ARHGAP26: variants seen among roughly 807,000 people sequenced by gnomAD.
ARHGAP26 encodes the protein rho GTPase-activating protein 26.
ARHGAP26 carries 38 observed loss-of-function variants against 104.8 expected under a neutral mutation model. The observed-to-expected ratio is 0.36, with a 90% CI of 0.28 to 0.48. The LOEUF (loss-of-function observed/expected upper bound fraction) is 0.48. ARHGAP26 is among the 20% of genes least tolerant of loss of function. ARHGAP26 has a pLI of 0.99. For missense variants in ARHGAP26, 704 were observed against 947.9 expected, an observed-to-expected ratio of 0.74 and a Z score of 3.38; for synonymous variants, 341 against 340.0, an observed-to-expected ratio of 1.00 and a Z score of -0.03.
At chr5:143,143,026 C>G (rs1798746906) in intron 19 of ARHGAP26, among the ~76,000 whole-genome samples, 1 of 152,022 alleles carries the variant, frequency 6.6e-6, no homozygotes, top group Non-Finnish European at 1.5e-5. Flanking sequence ...AGAGTCTGTT[C>G]CCTCCTTTTG....
At chr5:143,015,970 G>T (rs1027445345) in intron 12 of ARHGAP26, among the ~76,000 whole-genome samples, 1 of 152,168 alleles carries the variant, frequency 6.6e-6, no homozygotes, top group East Asian at 1.9e-4. Flanking sequence ...TTATCCTAAA[G>T]AAATCATTAG....
In ARHGAP26 at chr5:143,131,559, A is replaced by G. The variant is rs575655183; in HGVS notation, c.1699-2408A>G. Among the ~76,000 whole-genome samples the G allele has an allele frequency of 3.3e-5, 5 of 152,368 alleles. No individual in the cohort carries two copies. The South Asian group carries it at 1.0e-3, about 32-fold the overall frequency. On this transcript the variant is annotated intron_variant, in intron 18 of 22. Coordinates refer to ENST00000645722, the MANE Select transcript of ARHGAP26 (RefSeq NM_001135608.3). ...AGGCCAGAGGCAGAAAGGTACTAGA[A>G]GACACTGTTAGGTTGAAACACATCC...
chr5:142,936,108 AACACAC>A (rs149919795), intron 11 of ARHGAP26, among the ~76,000 whole-genome samples: 2,778 of 139,822 alleles, frequency 0.02, 72 homozygotes, highest in African/African-American at 0.061. Flanking sequence ...AATCCCAAGG[AACACAC>A]ACACACACAC....
rs575691310 is a variant in ARHGAP26, at chr5:142,914,569, C to CT, written c.1028+1282dup. 1.5e-3 allele frequency among the ~76,000 whole-genome samples: 234 copies of CT among 152,304 alleles called. 3 individuals carry two copies. The highest frequency in any genetic ancestry group is 5.2e-3 in the African/African-American group (215 of 41,554). ...TGCTCAACAAGTATTAGCTGTTACT[C>CT]TTTTTTGCTAATAGCTTATCCTGCG... On this transcript the variant is annotated intron_variant, in intron 10 of 22. Transcript: ENST00000645722.
At chr5:143,127,780 A>G (rs1562475461) in intron 18 of ARHGAP26, among the ~76,000 whole-genome samples, 2 of 152,242 alleles carry the variant, frequency 1.3e-5, no homozygotes, top group Non-Finnish European at 2.9e-5. Flanking sequence ...ATTAGTTAAT[A>G]TAGTTGGTTT....
intron 10 of ARHGAP26, among the ~76,000 whole-genome samples, chr5:142,921,219 T>G (rs1423294669): frequency 1.3e-5 from 2 of 152,228 alleles, no homozygotes; most frequent in South Asian, 2.1e-4. Context: ...AATAAGCTTT[T>G]CTTTGTATTG....
At chr5:143,205,275 A>G (rs753327197) in intron 20 of ARHGAP26, among the ~76,000 whole-genome samples, 70 of 152,182 alleles carry the variant, frequency 4.6e-4, no homozygotes, top group Non-Finnish European at 7.9e-4. Context: ...AATATCATTT[A>G]TTGTATTGAA....
chr5:143,060,185 C>A (rs1167930722), intron 17 of ARHGAP26, among the ~76,000 whole-genome samples: 1 of 152,184 alleles, frequency 6.6e-6, no homozygotes, highest in Non-Finnish European at 1.5e-5. Context: ...TTCCTCTGGG[C>A]TACTTACTTA....
At chr5:143,117,024 T>C (rs149301215) in intron 17 of ARHGAP26, among the ~76,000 whole-genome samples, 48 of 152,326 alleles carry the variant, frequency 3.2e-4, no homozygotes, top group African/African-American at 1.1e-3. Flanking sequence ...GCCTGTAGAA[T>C]TGGCAGTTCT....
intron 11 of ARHGAP26, among the ~76,000 whole-genome samples, chr5:142,938,140 T>C (rs569013603): frequency 6.6e-6 from 1 of 152,254 alleles, no homozygotes; most frequent in Admixed American, 6.5e-5. Flanking sequence ...CTGGTTTTGA[T>C]GCTATGTTAT....
At position 143,227,853 on chromosome 5, in the gene ARHGAP26, G is replaced by T; in HGVS notation, c.*5407G>T. Reference sequence around the variant, plus strand: ...TAGAAGGATAAATATTATGCTTACTGAGGAGAAAAAAAAAAGCGATCACAG... The same window carrying T: ...TAGAAGGATAAATATTATGCTTACTTAGGAGAAAAAAAAAAGCGATCACAG... On this transcript the variant is annotated 3_prime_UTR_variant, in exon 23 of 23. Transcript: ENST00000645722. 4.5e-6 allele frequency: 1 copy of T among 220,128 alleles called. No homozygotes were observed. The highest frequency in any genetic ancestry group is 9.1e-6 in the Non-Finnish European group (1 of 110,148). The allele number at this position is 220,128 out of a possible 1,614,324, so 13.6% of individuals were successfully genotyped here.
intron 17 of ARHGAP26, among the ~76,000 whole-genome samples, chr5:143,102,939 C>T (rs147022805): frequency 1.3e-5 from 2 of 152,126 alleles, no homozygotes; most frequent in East Asian, 3.9e-4. Flanking sequence ...TAGCCACAAA[C>T]GTTTATATAA....
chr5:143,126,336 T>C (rs889312041), intron 18 of ARHGAP26, among the ~76,000 whole-genome samples: 9 of 152,058 alleles, frequency 5.9e-5, no homozygotes, highest in African/African-American at 1.9e-4. Context: ...TGCCAGAGAG[T>C]TGGATTCAGT....
At chr5:142,806,250 G>A (rs937794868) in intron 1 of ARHGAP26, among the ~76,000 whole-genome samples, 2 of 152,106 alleles carry the variant, frequency 1.3e-5, no homozygotes, top group Non-Finnish European at 2.9e-5. Context: ...GTGCCACCAG[G>A]CCCATGTATT....
intron 22 of ARHGAP26, chr5:143,216,539 C>T (rs1810378108): frequency 3.1e-6 from 1 of 326,978 alleles, no homozygotes; most frequent in Admixed American, 4.0e-5. Flanking sequence ...TCCAACCTGC[C>T]ACCTGTCACC....
intron 11 of ARHGAP26, among the ~76,000 whole-genome samples, chr5:142,948,139 T>C (rs770944709): frequency 6.6e-6 from 1 of 152,200 alleles, no homozygotes; most frequent in Admixed American, 6.5e-5. Flanking sequence ...CGTGGCACTT[T>C]CAAGCGATTC....
At chr5:142,972,416 T>TA (rs1772425072) in intron 11 of ARHGAP26, among the ~76,000 whole-genome samples, 1 of 152,202 alleles carries the variant, frequency 6.6e-6, no homozygotes, top group African/African-American at 2.4e-5. Context: ...GAGCCAACAC[T>TA]AGGGGACTGC....
Position 143,121,126 on chromosome 5 carries a change from C to T in ARHGAP26, c.1677C>T (p.Ile559=). The T allele has an allele frequency of 6.2e-7, 1 of 1,613,114 alleles. No homozygotes were observed. Among genetic ancestry groups the T allele is most frequent in the Admixed American group, 1.7e-5 (1 of 59,944 alleles). Residue 559 remains isoleucine (I), a synonymous_variant, in exon 18 of 23, where the codon ATC becomes ATT. Coordinates refer to ENST00000645722, the MANE Select transcript of ARHGAP26 (RefSeq NM_001135608.3). Reference sequence around the variant, plus strand: ...AATTTCAGAACATTGTCATTGAGATCCTAATAGAAAACCACGAAAAGGTAA... The same window carrying T: ...AATTTCAGAACATTGTCATTGAGATTCTAATAGAAAACCACGAAAAGGTAA... ...DIKFQNIVIE[I]LIENHEKIFN...
Position 142,770,792 on chromosome 5 carries a change from T to C in ARHGAP26, c.31T>C (p.Cys11Arg). ...GCTCCCAGCGCTCGAGTTCAGCGAC[T>C]GCTGCCTCGATAGTCCGCACTTCCG... is the stretch of plus-strand genomic sequence containing the variant. The part of the protein sequence containing the change: MGLPALEFSD[C>R]CLDSPHFRET... Residue 11 changes from cysteine to arginine, a missense_variant, in exon 1 of 23, where the codon TGC (cysteine) becomes CGC (arginine). This residue lies in a region of ARHGAP26 where 77 missense variants were observed against 82.6 expected (regional missense o/e 0.93). Coordinates refer to ENST00000645722, the MANE Select transcript of ARHGAP26 (RefSeq NM_001135608.3). The C allele has an allele frequency of 1.3e-6, 2 of 1,582,586 alleles. No homozygotes were observed. The highest frequency in any genetic ancestry group is 1.7e-6 in the Non-Finnish European group (2 of 1,163,936).
Sources: allele counts gnomAD v4.1 joint callset (sites outside exome capture counted in the v4.1 genomes callset), GRCh38; gene constraint gnomAD v4.1.1; regional missense constraint gnomAD v4.1.1; transcripts MANE v1.5; gene names NCBI Gene and HGNC (gene_info 2026-07-23, HGNC 2026-07-21).